The following SNX18 variants were observed in gnomAD, a reference collection of about 807,000 sequenced individuals.
The protein encoded by SNX18 is sorting nexin 18.
In SNX18, 35 loss-of-function variants were observed where a neutral mutation model predicts 48.7. The ratio of observed to expected loss-of-function variants is 0.72; its 90% CI spans 0.55 to 0.95. The LOEUF (loss-of-function observed/expected upper bound fraction) is 0.95, where lower values mean the gene tolerates loss of function less well. SNX18 is among the 40% of genes least tolerant of loss of function. The pLI is 0.00. For missense variants in SNX18, 824 were observed against 871.0 expected, an observed-to-expected ratio of 0.95 and a Z score of 0.68; for synonymous variants, 492 against 384.7, an observed-to-expected ratio of 1.28 and a Z score of -3.26.
At chr5:54,600,978 A>G in the SNX18 span, among the ~76,000 whole-genome samples, 1 of 152,194 alleles carries the variant, frequency 6.6e-6, no homozygotes, top group African/African-American at 2.4e-5. Context: ...ATGTACTAGA[A>G]CATGTACCAG....
Position 54,518,475 on chromosome 5 carries a change from G to A in SNX18, c.523G>A (p.Ala175Thr), listed in dbSNP as rs749370211. The A allele has an allele frequency of 1.9e-6, 3 of 1,570,854 alleles. No homozygotes were observed. The highest frequency in any genetic ancestry group is 2.3e-5 in the South Asian group (2 of 86,900). ...ADEPGALGSG[A>T]YPDLDGSSSA... Reference sequence around the variant, plus strand: ...CGAGCCGGGCGCTCTGGGCAGCGGAGCATACCCGGACCTCGACGGCTCGTC... The same window carrying A: ...CGAGCCGGGCGCTCTGGGCAGCGGAACATACCCGGACCTCGACGGCTCGTC... Residue 175 changes from alanine to threonine, a missense_variant, in exon 1 of 2, where the codon GCA becomes ACA. Transcript: ENST00000381410.
intron 1 of SNX18, among the ~76,000 whole-genome samples, chr5:54,521,464 C>T (rs997742912): frequency 6.6e-6 from 1 of 152,098 alleles, no homozygotes; most frequent in Non-Finnish European, 1.5e-5. Context: ...TTTGGGAGGT[C>T]GAGGCAGGAG....
chr5:54,572,266 A>G, the SNX18 span, among the ~76,000 whole-genome samples: 5 of 152,250 alleles, frequency 3.3e-5, no homozygotes, highest in East Asian at 7.7e-4. Flanking sequence ...CTTGGAACAT[A>G]GACTTGACGT....
chr5:54,523,646 A>G (rs1762073847), intron 1 of SNX18, among the ~76,000 whole-genome samples: 1 of 152,212 alleles, frequency 6.6e-6, no homozygotes, highest in African/African-American at 2.4e-5. Flanking sequence ...TACAGACTCT[A>G]CTTCATCGCT....
At chr5:54,621,305 A>G in the SNX18 span, among the ~76,000 whole-genome samples, 2 of 152,070 alleles carry the variant, frequency 1.3e-5, no homozygotes, top group Non-Finnish European at 2.9e-5. Flanking sequence ...TGAATCAACA[A>G]TCTCCCTTTT....
intron 1 of SNX18, among the ~76,000 whole-genome samples, chr5:54,530,263 G>T (rs925133289): frequency 1.3e-5 from 2 of 152,132 alleles, no homozygotes; most frequent in African/African-American, 4.8e-5. Flanking sequence ...TCCAAAAAAG[G>T]TCACAGTCAA....
At chr5:54,578,457 T>C in the SNX18 span, among the ~76,000 whole-genome samples, 3 of 152,298 alleles carry the variant, frequency 2.0e-5, no homozygotes, top group Middle Eastern at 6.8e-3. Context: ...TTAGTGGCTC[T>C]GCCTCCAAGG....
At chr5:54,578,280 A>G in the SNX18 span, among the ~76,000 whole-genome samples, 3 of 152,350 alleles carry the variant, frequency 2.0e-5, no homozygotes, top group Admixed American at 6.5e-5. Flanking sequence ...CGAACAGAGA[A>G]GAATTAAACC....
At chr5:54,520,147 G>T (rs1436082234) in intron 1 of SNX18, 2 of 292,024 alleles carry the variant, frequency 6.8e-6, no homozygotes, top group South Asian at 7.8e-5. Flanking sequence ...CAGGAAAAGC[G>T]TACTCATTTT....
the SNX18 span, among the ~76,000 whole-genome samples, chr5:54,640,393 CT>C: frequency 0.35 from 26,873 of 75,744 alleles, 2,756 homozygotes; most frequent in South Asian, 0.45. Context: ...TTTGTACTTT[CT>C]TTTTTTTAAA....
the SNX18 span, among the ~76,000 whole-genome samples, chr5:54,633,174 T>G: frequency 6.6e-6 from 1 of 152,204 alleles, no homozygotes; most frequent in African/African-American, 2.4e-5. Context: ...AATCGGAGGA[T>G]AGAAACTGAG....
chr5:54,559,784 A>G, the SNX18 span, among the ~76,000 whole-genome samples: 1 of 152,170 alleles, frequency 6.6e-6, no homozygotes, highest in Non-Finnish European at 1.5e-5. Flanking sequence ...GCCTACAGAA[A>G]GGGAGAAAAT....
chr5:54,549,699 CTT>C (rs1257080298), downstream of SNX18, among the ~76,000 whole-genome samples: 1 of 152,206 alleles, frequency 6.6e-6, no homozygotes, highest in Non-Finnish European at 1.5e-5. Context: ...TTATTGAATT[CTT>C]TTCACATCCT....
At chr5:54,593,542 C>T in the SNX18 span, among the ~76,000 whole-genome samples, 1 of 152,198 alleles carries the variant, frequency 6.6e-6, no homozygotes, top group East Asian at 1.9e-4. Context: ...AATTGATGAT[C>T]ATGTTCTAAA....
chr5:54,523,188 T>G (rs1422606659), intron 1 of SNX18, among the ~76,000 whole-genome samples: 1 of 152,148 alleles, frequency 6.6e-6, no homozygotes, highest in Non-Finnish European at 1.5e-5. Flanking sequence ...AGTGATAGCA[T>G]TTTATCTTCT....
chr5:54,535,981 C>G (rs1190132025), intron 1 of SNX18, among the ~76,000 whole-genome samples: 1 of 152,106 alleles, frequency 6.6e-6, no homozygotes, highest in East Asian at 1.9e-4. Context: ...AGTAATCCAC[C>G]AAACTAATTC....
chr5:54,576,517 C>T, the SNX18 span, among the ~76,000 whole-genome samples: 1 of 152,208 alleles, frequency 6.6e-6, no homozygotes, highest in African/African-American at 2.4e-5. Context: ...TCTCCACCCA[C>T]TGTGACCCAC....
intron 1 of SNX18, among the ~76,000 whole-genome samples, chr5:54,524,781 C>A (rs1192352396): frequency 1.3e-5 from 2 of 152,196 alleles, no homozygotes; most frequent in African/African-American, 4.8e-5. Flanking sequence ...TAGAATCTGG[C>A]CGCTCTGCCG....
chr5:54,568,787 C>A, the SNX18 span, among the ~76,000 whole-genome samples: 40 of 148,580 alleles, frequency 2.7e-4, no homozygotes, highest in African/African-American at 9.5e-4. Flanking sequence ...TTTAGGAGTG[C>A]TTTAGTTCTT....
Sources: gnomAD v4.1 joint callset for allele counts (sites outside exome capture counted in the v4.1 genomes callset) on GRCh38, gnomAD v4.1.1 for gene constraint, MANE v1.5 for transcripts, NCBI Gene and HGNC (gene_info 2026-07-23, HGNC 2026-07-21) for gene names.